The following RGSL1 variants were observed in gnomAD, a reference collection of about 807,000 sequenced individuals.
RGSL1 encodes regulator of G protein signaling protein-like.
RGSL1 carries 97 observed loss-of-function variants against 124.7 expected under a neutral mutation model. That is an observed-to-expected ratio of 0.78 (90% CI 0.66 to 0.92). The LOEUF is 0.92. Ranked by LOEUF, RGSL1 falls within the 40% of genes least tolerant of loss-of-function variation. The probability of loss-of-function intolerance (pLI) is 0.00; values close to 1 mark genes in which losing one functional copy is unlikely to be tolerated. For synonymous variants in RGSL1, 424 were observed against 438.1 expected, an observed-to-expected ratio of 0.97 and a Z score of 0.40; for missense variants, 1,233 against 1,288.4, an observed-to-expected ratio of 0.96 and a Z score of 0.66.
intron 17 of RGSL1, chr1:182,549,152 G>T: frequency 4.6e-6 from 1 of 217,502 alleles, no homozygotes; most frequent in Non-Finnish European, 9.2e-6. Context: ...ACAGCCCCTT[G>T]GGGAGAAATT....
Position 182,556,129 on chromosome 1 carries a change from C to A in RGSL1, c.*72C>A. On this transcript the variant is annotated 3_prime_UTR_variant, in exon 21 of 22. Transcript: ENST00000294854. ...TAACACTGACAGAAACTTTTCTGGT[C>A]AAAAATGAAAGGTCCTGGTACCATC... The A allele has an allele frequency of 2.1e-6, 3 of 1,431,058 alleles. No individual in the cohort carries two copies. The South Asian group carries it at 3.9e-5, about 18-fold the overall frequency. 88.6% of individuals were successfully genotyped at this position (1,431,058 alleles called of 1,614,324 possible).
intron 17 of RGSL1, chr1:182,549,281 AG>A (rs1274683291): frequency 6.4e-6 from 1 of 156,646 alleles, no homozygotes; most frequent in Non-Finnish European, 1.4e-5. Flanking sequence ...CACAGTTGCT[AG>A]ATACTCCAAT....
chr1:182,466,505 C>CA (rs970508100), intron 4 of RGSL1, among the ~76,000 whole-genome samples: 1 of 151,930 alleles, frequency 6.6e-6, no homozygotes, highest in African/African-American at 2.4e-5. Flanking sequence ...CAAAACAAAA[C>CA]AAAAAATCAG....
chr1:182,542,449 C>G (rs991138112), intron 15 of RGSL1, among the ~76,000 whole-genome samples: 3 of 152,156 alleles, frequency 2.0e-5, no homozygotes, highest in Admixed American at 1.3e-4. Flanking sequence ...CAGCACCATG[C>G]TGATTTCGTT....
chr1:182,470,644 A>C (rs1653757587), intron 4 of RGSL1, among the ~76,000 whole-genome samples: 1 of 152,048 alleles, frequency 6.6e-6, no homozygotes, highest in Non-Finnish European at 1.5e-5. Flanking sequence ...TAATGTACTT[A>C]TTTATTATGC....
upstream of RGSL1, chr1:182,449,353 A>C (rs1651653795): frequency 6.6e-6 from 1 of 152,154 alleles, no homozygotes; most frequent in Non-Finnish European, 1.5e-5. Flanking sequence ...TCCAGTTTTC[A>C]GTTTTCCCTC....
Position 182,537,840 on chromosome 1 carries a change from G to A in RGSL1, c.2495-2407G>A, listed in dbSNP as rs74573927. On this transcript the variant is annotated intron_variant, in intron 14 of 21. Coordinates refer to ENST00000294854, the MANE Select transcript of RGSL1 (RefSeq NM_001137669.2). ...GCTTTGGGTACTTCCTTCATATCTT[G>A]AGCTGGTCAGCACTCTGCTGAGTAC... Among the ~76,000 whole-genome samples the A allele has an allele frequency of 3.2e-3, 493 of 152,190 alleles. 7 individuals are homozygous for A. The highest frequency in any genetic ancestry group is 0.011 in the African/African-American group (470 of 41,514).
rs1420676327 is a variant in RGSL1, at chr1:182,530,331, G to A, written c.2213G>A (p.Gly738Glu). 6.4e-7 allele frequency: 1 copy of A among 1,550,730 alleles called. No homozygotes were observed. Among genetic ancestry groups the A allele is most frequent in the Non-Finnish European group, 8.7e-7 (1 of 1,146,462 alleles). ...ACAAGCACACTGTTAACGCTCCAGGGACATGTTATGAAATCTATAGAAGAA... is the reference window on the plus strand; with the variant it reads ...ACAAGCACACTGTTAACGCTCCAGGAACATGTTATGAAATCTATAGAAGAA... ...VTTSTLLTLQ[G>E]HVMKSIEEKW... is the part of the protein sequence containing the mutation. Residue 738 changes from glycine to glutamate, a missense_variant, in exon 12 of 22, where the codon GGA becomes GAA. By Grantham distance (98) the Gly-to-Glu change is moderately conservative. Transcript: ENST00000294854.
intron 9 of RGSL1, 108 bp downstream of exon 9, chr1:182,493,237 T>G (rs1173929926): frequency 1.3e-6 from 1 of 754,016 alleles, no homozygotes; most frequent in Admixed American, 2.6e-5. Context: ...AGAGGAACCA[T>G]GCTCTGTTGG....
At chr1:182,497,769 G>A (rs1656041460) in intron 9 of RGSL1, among the ~76,000 whole-genome samples, 1 of 151,996 alleles carries the variant, frequency 6.6e-6, no homozygotes, top group South Asian at 2.1e-4. Flanking sequence ...CTTCATTTTT[G>A]TTTGATGTTT....
At chr1:182,453,705 A>G (rs72723002) in intron 1 of RGSL1, among the ~76,000 whole-genome samples, 28 of 152,246 alleles carry the variant, frequency 1.8e-4, no homozygotes, top group Non-Finnish European at 3.7e-4. Flanking sequence ...GAAATCTACC[A>G]CTTCGCCTTC....
chr1:182,505,789 TAA>T (rs1302880984), intron 9 of RGSL1, among the ~76,000 whole-genome samples: 2 of 152,198 alleles, frequency 1.3e-5, no homozygotes, highest in African/African-American at 4.8e-5. Context: ...TGTAAATTTT[TAA>T]AGTTTTATTT....
chr1:182,509,904 G>A (rs1571610241), intron 9 of RGSL1, among the ~76,000 whole-genome samples: 1 of 139,790 alleles, frequency 7.2e-6, no homozygotes, highest in Non-Finnish European at 1.6e-5. Context: ...CGGGCGGAGA[G>A]GCTCCTCACT....
intron 9 of RGSL1, among the ~76,000 whole-genome samples, chr1:182,520,700 GTTTA>G (rs1658271102): frequency 2.0e-5 from 3 of 152,004 alleles, no homozygotes; most frequent in Admixed American, 6.5e-5. Context: ...GCTTTGTTTT[GTTTA>G]TTTATTTGTT....
chr1:182,505,461 T>C (rs989320486), intron 9 of RGSL1, among the ~76,000 whole-genome samples: 1 of 152,146 alleles, frequency 6.6e-6, no homozygotes, highest in African/African-American at 2.4e-5. Flanking sequence ...AGACTTTCCC[T>C]AGTTGTCATA....
chr1:182,510,356 G>A (rs1439003725), intron 9 of RGSL1, among the ~76,000 whole-genome samples: 1 of 36,614 alleles, frequency 2.7e-5, no homozygotes, highest in African/African-American at 1.3e-4. Context: ...GTAGTGAGCC[G>A]AGATCACGCC....
chr1:182,529,509 G>C (rs998826675), intron 11 of RGSL1, among the ~76,000 whole-genome samples: 2 of 152,078 alleles, frequency 1.3e-5, no homozygotes, highest in Admixed American at 6.6e-5. Context: ...GGGTAAATAT[G>C]GTAAATAAAA....
intron 21 of RGSL1, among the ~76,000 whole-genome samples, chr1:182,559,434 G>A (rs985356471): frequency 1.6e-4 from 24 of 152,154 alleles, no homozygotes; most frequent in African/African-American, 5.3e-4. Context: ...TGGACATGTC[G>A]CTGCTATCCA....
At position 182,560,582 on chromosome 1, in the gene RGSL1, A is replaced by G. The variant is rs1327239293; in HGVS notation, c.*469A>G. 1.3e-5 allele frequency: 2 copies of G among 152,212 alleles called. No individual in the cohort carries two copies. The highest frequency in any genetic ancestry group is 2.9e-5 in the Non-Finnish European group (2 of 68,056). 9.4% of individuals were successfully genotyped at this position (152,212 alleles called of 1,614,324 possible). A position where few individuals can be genotyped will look rare whatever the true frequency, so the allele number is the denominator to read the frequency against. ...TGCAGGTCATTAGCCAGAATAAAGG[A>G]TGTCCACATTCACAATCTGTGGGCC... On this transcript the variant is annotated 3_prime_UTR_variant, in exon 22 of 22. Coordinates refer to ENST00000294854, the MANE Select transcript of RGSL1 (RefSeq NM_001137669.2).
Sources: allele counts gnomAD v4.1 joint callset (sites outside exome capture counted in the v4.1 genomes callset), GRCh38; gene constraint gnomAD v4.1.1; transcripts MANE v1.5; gene names NCBI Gene and HGNC (gene_info 2026-07-23, HGNC 2026-07-21).